The following NSL1 variants were observed in gnomAD, a reference collection of about 807,000 sequenced individuals.
The protein encoded by NSL1 is kinetochore-associated protein NSL1 homolog.
In NSL1, 11 loss-of-function variants were observed where a neutral mutation model predicts 25.4. The observed-to-expected ratio is 0.43, with a 90% CI of 0.27 to 0.72. The LOEUF (loss-of-function observed/expected upper bound fraction) is 0.72, where lower values mean the gene tolerates loss of function less well. NSL1 is among the 30% of genes least tolerant of loss of function. The pLI, the probability that NSL1 is intolerant of heterozygous loss-of-function variation, is 0.19. For synonymous variants in NSL1, 118 were observed against 120.6 expected (o/e 0.98, Z 0.14); for missense variants, 330 against 342.7 (o/e 0.96, Z 0.29).
chr1:212,770,452 T>C (rs1660049949), intron 4 of NSL1, among the ~76,000 whole-genome samples: 2 of 151,732 alleles, frequency 1.3e-5, no homozygotes, highest in African/African-American at 4.8e-5. Context: ...ATATACAACC[T>C]ACGTTGATTG....
chr1:212,778,740 G>A (rs1258692434), intron 4 of NSL1, among the ~76,000 whole-genome samples: 2 of 148,848 alleles, frequency 1.3e-5, no homozygotes, highest in Admixed American at 1.3e-4. Context: ...GCGTGATCTC[G>A]GCTCGCTACA....
chr1:212,754,293 G>C (rs1474378568), intron 4 of NSL1, among the ~76,000 whole-genome samples: 1 of 152,104 alleles, frequency 6.6e-6, no homozygotes, highest in Non-Finnish European at 1.5e-5. Flanking sequence ...AAAAGGAGAA[G>C]AGAAAAAGCT....
In NSL1 at chr1:212,729,596, T is replaced by C. The variant is rs1328187034; in HGVS notation, c.*8812A>G. The C allele has an allele frequency of 2.0e-6, 2 of 985,190 alleles. No individual in the cohort carries two copies. Among genetic ancestry groups the C allele is most frequent in the Non-Finnish European group, 1.2e-6 (1 of 829,926 alleles). The allele number at this position is 985,190 out of a possible 1,614,324, so 61.0% of individuals were successfully genotyped here. ...CCCTCATTTCTACACTTCCTCAGGA[T>C]CAGAGGCAGGCACACAGGGCATAGA... On this transcript the variant is annotated 3_prime_UTR_variant, in exon 6 of 6. Coordinates refer to ENST00000366977, the MANE Select transcript of NSL1 (RefSeq NM_015471.4).
rs1396150789 is a variant in NSL1 at position 212,734,382 on chromosome 1, T to A, written c.*4026A>T. On this transcript the variant is annotated 3_prime_UTR_variant, in exon 6 of 6. Transcript: ENST00000366977. ...AGACGCTCCTCAAATATTTGGTGAA[T>A]CAGTTTTGTGCATTTTTAAAATATA... is the stretch of plus-strand genomic sequence containing the variant. Among the ~76,000 whole-genome samples the A allele has an allele frequency of 3.3e-5, 5 of 152,242 alleles. No individual in the cohort carries two copies. The highest frequency in any genetic ancestry group is 3.3e-4 in the Admixed American group (5 of 15,294).
chr1:212,736,809 T>C lies in NSL1; in HGVS notation c.*1599A>G. The stretch of plus-strand genomic sequence containing the variant: ...CTTAATCGATTCCTTGTTTCTCTGC[T>C]GAATACTTCAGAGCAAATCTATCAT... On this transcript the variant is annotated 3_prime_UTR_variant, in exon 6 of 6. Coordinates refer to ENST00000366977, the MANE Select transcript of NSL1 (RefSeq NM_015471.4). The C allele has an allele frequency of 8.1e-6, 8 of 985,364 alleles. No homozygotes were observed. The highest frequency in any genetic ancestry group is 9.6e-6 in the Non-Finnish European group (8 of 829,836). The allele number at this position is 985,364 out of a possible 1,614,324, so 61.0% of individuals were successfully genotyped here. A position where few individuals can be genotyped will look rare whatever the true frequency, so the allele number is the denominator to read the frequency against.
chr1:212,780,192 C>G (rs1224066995), intron 4 of NSL1, among the ~76,000 whole-genome samples: 2 of 151,824 alleles, frequency 1.3e-5, no homozygotes, highest in African/African-American at 4.8e-5. Context: ...TCCTGTTGAT[C>G]TGTGACCTTA....
intron 4 of NSL1, among the ~76,000 whole-genome samples, chr1:212,750,876 G>A (rs866110069): frequency 3.9e-5 from 6 of 152,126 alleles, no homozygotes; most frequent in African/African-American, 1.4e-4. Flanking sequence ...GAGAGGCAGA[G>A]GTTGCAGTGA....
Position 212,738,251 on chromosome 1 carries a change from A to G in NSL1, c.*157T>C. ...AAACAGTAAGGAAATACAATATTAT[A>G]TCATATCCCCGCACAGAGATACTAT... On this transcript the variant is annotated 3_prime_UTR_variant, in exon 6 of 6. Coordinates refer to ENST00000366977, the MANE Select transcript of NSL1 (RefSeq NM_015471.4). 7.1e-7 allele frequency: 1 copy of G among 1,398,622 alleles called. No individual in the cohort carries two copies. The highest frequency in any genetic ancestry group is 9.3e-7 in the Non-Finnish European group (1 of 1,076,818). 86.6% of individuals were successfully genotyped at this position (1,398,622 alleles called of 1,614,324 possible).
chr1:212,747,752 C>G (rs1387452653), intron 4 of NSL1, among the ~76,000 whole-genome samples: 1 of 152,028 alleles, frequency 6.6e-6, no homozygotes. Context: ...AATAAAATTC[C>G]TAGTGAGATT....
At chr1:212,788,031 TA>T (rs1396774889) in intron 1 of NSL1, among the ~76,000 whole-genome samples, 4 of 152,220 alleles carry the variant, frequency 2.6e-5, no homozygotes, top group African/African-American at 9.6e-5. Flanking sequence ...TGCTTAAAAA[TA>T]AAATTATATT....
chr1:212,731,883 A>G lies in NSL1; in HGVS notation c.*6525T>C, dbSNP rs1295537798. 2.0e-6 allele frequency: 2 copies of G among 985,176 alleles called. No homozygotes were observed. Among genetic ancestry groups the G allele is most frequent in the Admixed American group, 1.2e-4 (2 of 16,264 alleles). 61.0% of individuals were successfully genotyped at this position (985,176 alleles called of 1,614,324 possible). On this transcript the variant is annotated 3_prime_UTR_variant, in exon 6 of 6. Coordinates refer to ENST00000366977, the MANE Select transcript of NSL1 (RefSeq NM_015471.4). ...CTGCTCCAGCTCCATGTCCTGGGAC[A>G]CCCTACCCTGCCCCAGGACCCAGCA...
intron 4 of NSL1, among the ~76,000 whole-genome samples, chr1:212,755,210 T>C (rs1413652015): frequency 2.0e-5 from 3 of 152,082 alleles, no homozygotes; most frequent in Non-Finnish European, 2.9e-5. Flanking sequence ...ACAGCTCCAA[T>C]AGCTAAAGAA....
chr1:212,766,152 A>C, intron 4 of NSL1: 1 of 558,102 alleles, frequency 1.8e-6, no homozygotes, highest in East Asian at 3.1e-5. Flanking sequence ...AAAAAAACAA[A>C]AAAACCCTCA....
Position 212,738,771 on chromosome 1 carries a change from T to C in NSL1, c.568-85A>G. The C allele has an allele frequency of 1.0e-5, 12 of 1,191,506 alleles. No homozygotes were observed. The South Asian group carries it at 1.7e-4, about 17-fold the overall frequency. 73.8% of individuals were successfully genotyped at this position (1,191,506 alleles called of 1,614,324 possible). On this transcript the variant is annotated intron_variant, in intron 5 of 5. Coordinates refer to ENST00000366977, the MANE Select transcript of NSL1 (RefSeq NM_015471.4). ...AAGATGGATGCAGTACTCTAATTTTTTTTTTTTTTCTTGAGAAGTCTTGCT... is the reference window on the plus strand; with the variant it reads ...AAGATGGATGCAGTACTCTAATTTTCTTTTTTTTTCTTGAGAAGTCTTGCT...
Position 212,780,024 on chromosome 1 carries a change from C to T in NSL1, c.499+2348G>A, listed in dbSNP as rs1411554007. Among the ~76,000 whole-genome samples, 12 of 151,946 alleles carry T rather than the reference C, an allele frequency of 7.9e-5. No homozygotes were observed. The South Asian group carries it at 1.3e-3, about 16-fold the overall frequency. ...GGTGTACCCAACAGCTCATTGAGAACGGGCCATGATGACAATGGCGGTTTT... is the reference window on the plus strand; with the variant it reads ...GGTGTACCCAACAGCTCATTGAGAATGGGCCATGATGACAATGGCGGTTTT... On this transcript the variant is annotated intron_variant, in intron 4 of 5. Coordinates refer to ENST00000366977, the MANE Select transcript of NSL1 (RefSeq NM_015471.4).
chr1:212,769,072 G>A (rs1009647638), intron 4 of NSL1, among the ~76,000 whole-genome samples: 12 of 147,872 alleles, frequency 8.1e-5, no homozygotes, highest in Non-Finnish European at 1.8e-4. Context: ...ATAAAATGGA[G>A]GAGGAATAAA....
At chr1:212,764,212 T>G (rs1395092188) in intron 4 of NSL1, among the ~76,000 whole-genome samples, 1 of 152,206 alleles carries the variant, frequency 6.6e-6, no homozygotes, top group African/African-American at 2.4e-5. Flanking sequence ...TATGTAAATT[T>G]AAAAATTCTT....
In NSL1 at chr1:212,727,033, T is replaced by G; in HGVS notation, c.*11375A>C. The G allele has an allele frequency of 7.1e-7, 1 of 1,417,014 alleles. No individual in the cohort carries two copies. The highest frequency in any genetic ancestry group is 9.5e-7 in the Non-Finnish European group (1 of 1,048,398). 87.8% of individuals were successfully genotyped at this position (1,417,014 alleles called of 1,614,324 possible). A position where few individuals can be genotyped will look rare whatever the true frequency, so the allele number is the denominator to read the frequency against. ...GTCCAGTCTACTCCGGCCTTGGAGA[T>G]GACTGCCGAGAGAGGGAGGGCGGGC... On this transcript the variant is annotated 3_prime_UTR_variant, in exon 6 of 6. Coordinates refer to ENST00000366977, the MANE Select transcript of NSL1 (RefSeq NM_015471.4).
intron 4 of NSL1, among the ~76,000 whole-genome samples, chr1:212,767,337 G>A (rs938327149): frequency 1.3e-5 from 2 of 152,056 alleles, no homozygotes; most frequent in Non-Finnish European, 2.9e-5. Context: ...AACATAAAGT[G>A]GGGAAAGGAC....
Sources: allele counts gnomAD v4.1 joint callset (sites outside exome capture counted in the v4.1 genomes callset), GRCh38; gene constraint gnomAD v4.1.1; transcripts MANE v1.5; gene names NCBI Gene and HGNC (gene_info 2026-07-23, HGNC 2026-07-21).